PSMC1: variants seen among roughly 807,000 people sequenced by gnomAD.
PSMC1 encodes the protein 26S proteasome regulatory subunit 4.
Under a neutral mutation model 49.8 loss-of-function variants are expected in PSMC1, and 5 were observed. That is an observed-to-expected ratio of 0.10 (90% CI 0.05 to 0.21). The LOEUF (loss-of-function observed/expected upper bound fraction) is 0.21. PSMC1 is among the 10% of genes least tolerant of loss of function. The pLI is 1.00. For missense variants in PSMC1, 181 were observed against 535.7 expected, an observed-to-expected ratio of 0.34 and a Z score of 6.54; for synonymous variants, 155 against 192.1, an observed-to-expected ratio of 0.81 and a Z score of 1.60.
rs984971730 is a variant in PSMC1, at chr14:90,275,158, G to GAAGT, written c.*2752_*2755dup. 1 of 152,110 alleles carries GAAGT rather than the reference G, an allele frequency of 6.6e-6. No homozygotes were observed. The highest frequency in any genetic ancestry group is 2.4e-5 in the African/African-American group (1 of 41,394). The allele number at this position is 152,110 out of a possible 1,614,324, so 9.4% of individuals were successfully genotyped here. On this transcript the variant is annotated 3_prime_UTR_variant, in exon 11 of 11. Transcript: ENST00000261303. ...ACACTTCAAAAGTATCCACGTCTTG[G>GAAGT]AAGTCAAAAAGCTTCCAATCAGAAG...
chr14:90,256,899 G>A (rs1891305422), intron 1 of PSMC1, among the ~76,000 whole-genome samples: 1 of 152,180 alleles, frequency 6.6e-6, no homozygotes, highest in Admixed American at 6.5e-5. Flanking sequence ...TTGCTGCTCC[G>A]CCGACCAGGG....
In PSMC1 at chr14:90,259,222, G is replaced by A. The variant is rs1891349881; in HGVS notation, c.57+9G>A. 1.2e-6 allele frequency: 2 copies of A among 1,613,590 alleles called. No individual in the cohort carries two copies. Among genetic ancestry groups the A allele is most frequent in the Non-Finnish European group, 8.5e-7 (1 of 1,179,642 alleles). ...GCAAGAAGGATGACAAGGTAAATAT[G>A]CCAGATTTGTCCTGTGATATGAGCA... On this transcript the variant is annotated intron_variant, in intron 2 of 10. Transcript: ENST00000261303.
chr14:90,262,185 T>G (rs1259545779), intron 3 of PSMC1, among the ~76,000 whole-genome samples: 32 of 142,362 alleles, frequency 2.2e-4, no homozygotes, highest in African/African-American at 7.7e-4. Context: ...CATTAGGAGA[T>G]ATACCTAATG....
intron 1 of PSMC1, among the ~76,000 whole-genome samples, chr14:90,257,755 G>T (rs1055768865): frequency 6.6e-6 from 1 of 152,126 alleles, no homozygotes; most frequent in African/African-American, 2.4e-5. Flanking sequence ...ACTACGCCCG[G>T]CTAATTTTTG....
chr14:90,269,030 A>G lies in PSMC1; in HGVS notation c.882-367A>G, dbSNP rs542250850. 5 of 167,598 alleles carry G rather than the reference A, an allele frequency of 3.0e-5. No individual in the cohort carries two copies. The South Asian group carries it at 8.9e-4, about 30-fold the overall frequency. The allele number at this position is 167,598 out of a possible 1,614,324, so 10.4% of individuals were successfully genotyped here. On this transcript the variant is annotated intron_variant, in intron 8 of 10. Transcript: ENST00000261303. ...TCAGGGGACAAACAAAAGAGCAAAAAGGGCCTACACTAGTTCCCTGCAGCA... is the reference window on the plus strand; with the variant it reads ...TCAGGGGACAAACAAAAGAGCAAAAGGGGCCTACACTAGTTCCCTGCAGCA...
chr14:90,256,749 C>G, intron 1 of PSMC1, 149 bp downstream of exon 1: 1 of 1,315,266 alleles, frequency 7.6e-7, no homozygotes, highest in Non-Finnish European at 1.1e-6. Flanking sequence ...GTGGAGGCTC[C>G]CAGAGACCGC....
chr14:90,265,602 T>C lies in PSMC1; in HGVS notation c.691+436T>C, dbSNP rs1300345788. Among the ~76,000 whole-genome samples the C allele has an allele frequency of 8.9e-5, 13 of 145,988 alleles. No homozygotes were observed. The East Asian group carries it at 1.2e-3, about 14-fold the overall frequency. ...TACTCGGGAGGCTGAGGCAGGAGAA[T>C]GGCATGAACCCGGGAGGCGGTGCTT... On this transcript the variant is annotated intron_variant, in intron 7 of 10. Transcript: ENST00000261303.
chr14:90,258,680 TTC>T (rs1328669894), intron 1 of PSMC1, among the ~76,000 whole-genome samples: 2 of 152,252 alleles, frequency 1.3e-5, no homozygotes, highest in Non-Finnish European at 2.9e-5. Flanking sequence ...AAGGAAAGTC[TTC>T]TGGATCTTGG....
chr14:90,263,070 A>G (rs919091477), intron 3 of PSMC1, among the ~76,000 whole-genome samples: 1 of 152,158 alleles, frequency 6.6e-6, no homozygotes, highest in Non-Finnish European at 1.5e-5. Flanking sequence ...TATACAGACT[A>G]TTCAGCCAGG....
chr14:90,260,214 A>G lies in PSMC1; in HGVS notation c.154+3A>G, dbSNP rs201046527. ...TGCTGCCAGCAAACTGCCACTGGGT[A>G]ATGACATGGCTTCTCCTTGCCATCT... On this transcript the variant is annotated splice_donor_region_variant and intron_variant, in intron 3 of 10. Coordinates refer to ENST00000261303, the MANE Select transcript of PSMC1 (RefSeq NM_002802.3). 273 of 1,591,058 alleles carry G rather than the reference A, an allele frequency of 1.7e-4. No homozygotes were observed. In the African/African-American group the frequency reaches 3.3e-3, roughly 19 times the overall value.
At chr14:90,270,398 A>C (rs1249506886) in intron 10 of PSMC1, 46 bp downstream of exon 10, 5 of 1,584,792 alleles carry the variant, frequency 3.2e-6, no homozygotes, top group Non-Finnish European at 3.4e-6. Context: ...TGTGGCCGTC[A>C]ATCAGGAAAG....
chr14:90,256,920 C>G (rs773478052), intron 1 of PSMC1, among the ~76,000 whole-genome samples: 1 of 152,112 alleles, frequency 6.6e-6, no homozygotes, highest in Admixed American at 6.5e-5. Context: ...CTTTGCTGAT[C>G]GGCGCTGGGA....
rs936301206 is a variant in PSMC1, at chr14:90,274,091, T to G, written c.*1684T>G. 5 of 154,680 alleles carry G rather than the reference T, an allele frequency of 3.2e-5. No homozygotes were observed. Among genetic ancestry groups the G allele is most frequent in the Non-Finnish European group, 7.3e-5 (5 of 68,334 alleles). 9.6% of individuals were successfully genotyped at this position (154,680 alleles called of 1,614,324 possible). A position where few individuals can be genotyped will look rare whatever the true frequency, so the allele number is the denominator to read the frequency against. ...GCCACTCTGCCTACCACAGAGGACA[T>G]CCACACGTGGGGGTGGCCCAGTGCA... is the stretch of plus-strand genomic sequence containing the variant. On this transcript the variant is annotated 3_prime_UTR_variant, in exon 11 of 11. Transcript: ENST00000261303.
At chr14:90,256,961 A>C (rs1891306877) in intron 1 of PSMC1, among the ~76,000 whole-genome samples, 1 of 152,048 alleles carries the variant, frequency 6.6e-6, no homozygotes, top group African/African-American at 2.4e-5. Context: ...AGTCACCGGG[A>C]AAAATGCTTT....
At chr14:90,267,284 C>A (rs1891542833) in intron 7 of PSMC1, among the ~76,000 whole-genome samples, 3 of 152,024 alleles carry the variant, frequency 2.0e-5, no homozygotes, top group Non-Finnish European at 4.4e-5. Flanking sequence ...GCCTCAGCCT[C>A]CCGAGTAGCT....
At chr14:90,265,382 T>A (rs1479953958) in intron 7 of PSMC1, among the ~76,000 whole-genome samples, 2 of 148,964 alleles carry the variant, frequency 1.3e-5, no homozygotes, top group Non-Finnish European at 3.0e-5. Flanking sequence ...GGTGAAACCC[T>A]GTCTCTATAA....
In PSMC1 at chr14:90,264,116, C is replaced by T. The variant is rs1322091614; in HGVS notation, c.541C>T (p.Gln181Ter). ...AGTGATGAAGGTAGAAAAGGCCCCC[C>T]AGGAGACCTATGCAGATATTGGGGG... ...VTVMKVEKAP[Q>*]ETYADIGGLD... Residue 181 changes from glutamine to a stop codon, truncating the protein, a stop_gained, in exon 6 of 11, where the codon CAG becomes TAG. Coordinates refer to ENST00000261303, the MANE Select transcript of PSMC1 (RefSeq NM_002802.3). LOFTEE classifies it high-confidence loss of function. 6.2e-7 allele frequency: 1 copy of T among 1,613,206 alleles called. No individual in the cohort carries two copies. The highest frequency in any genetic ancestry group is 8.5e-7 in the Non-Finnish European group (1 of 1,179,858).
Position 90,269,563 on chromosome 14 carries a change from G to C in PSMC1, c.1033+15G>C, listed in dbSNP as rs1442104879. 2 of 1,610,964 alleles carry C rather than the reference G, an allele frequency of 1.2e-6. No individual in the cohort carries two copies. Among genetic ancestry groups the C allele is most frequent in the Non-Finnish European group, 1.7e-6 (2 of 1,178,414 alleles). ...TATCAGACCAGGTTAAATTTGCTTT[G>C]GTTTCATCATGGAGATTAATGTGTT... is the stretch of plus-strand genomic sequence containing the variant. On this transcript the variant is annotated intron_variant, in intron 9 of 10. Transcript: ENST00000261303.
intron 1 of PSMC1, among the ~76,000 whole-genome samples, chr14:90,258,480 TCTGAGACATTG>T (rs1891337740): frequency 1.3e-5 from 2 of 152,236 alleles, no homozygotes; most frequent in South Asian, 4.1e-4. Context: ...TGCCACCATT[TCTGAGACATTG>T]CTCAGTGTTA....
Sources: gnomAD v4.1 joint callset for allele counts (sites outside exome capture counted in the v4.1 genomes callset) on GRCh38, gnomAD v4.1.1 for gene constraint, MANE v1.5 for transcripts, NCBI Gene and HGNC (gene_info 2026-07-23, HGNC 2026-07-21) for gene names.